GABRR1: variants seen among roughly 807,000 people sequenced by gnomAD.
GABRR1 encodes gamma-aminobutyric acid type A receptor subunit rho1.
In GABRR1, 59 loss-of-function variants were observed where a neutral mutation model predicts 55.5. The observed-to-expected ratio is 1.06, with a 90% CI of 0.86 to 1.32. GABRR1 has a LOEUF of 1.32. Among genes scored for constraint, GABRR1 ranks in the 40% most tolerant of loss-of-function variants. The probability of loss-of-function intolerance (pLI) is 0.00; values close to 1 mark genes in which losing one functional copy is unlikely to be tolerated. For missense variants in GABRR1, 602 were observed against 619.1 expected, an observed-to-expected ratio of 0.97 and a Z score of 0.29; for synonymous variants, 213 against 226.0, an observed-to-expected ratio of 0.94 and a Z score of 0.51.
intron 1 of GABRR1, among the ~76,000 whole-genome samples, chr6:89,208,921 T>C (rs1772737373): frequency 6.6e-6 from 1 of 152,214 alleles, no homozygotes; most frequent in Non-Finnish European, 1.5e-5. Context: ...AGGATGGGCG[T>C]ACCAGCCCAG....
chr6:89,191,899 G>A (rs568462673), intron 5 of GABRR1, among the ~76,000 whole-genome samples: 3 of 152,204 alleles, frequency 2.0e-5, no homozygotes, highest in South Asian at 2.1e-4. Context: ...GGCATTTGAC[G>A]GGCGTAGTGG....
rs939458869 is a variant in GABRR1, at chr6:89,201,069, G to C, written c.280+90C>G. On this transcript the variant is annotated intron_variant, in intron 3 of 9. Transcript: ENST00000454853. ...AACTGAGGCAGACCGGGTCAGCGGA[G>C]AGCAAAGCTGTGCTGTCCCTTGGCT... 5.9e-5 allele frequency: 54 copies of C among 912,840 alleles called. No homozygotes were observed. In the South Asian group the frequency reaches 6.8e-4, roughly 12 times the overall value. The allele number at this position is 912,840 out of a possible 1,614,324, so 56.5% of individuals were successfully genotyped here. A position where few individuals can be genotyped will look rare whatever the true frequency, so the allele number is the denominator to read the frequency against.
At chr6:89,226,628 C>T (rs1280941596) in intron 1 of GABRR1, among the ~76,000 whole-genome samples, 1 of 106,744 alleles carries the variant, frequency 9.4e-6, no homozygotes, top group Non-Finnish European at 2.0e-5. Flanking sequence ...ATCTATATCT[C>T]TGTTTTGGTA....
intron 1 of GABRR1, 59 bp downstream of exon 1, chr6:89,217,142 G>A: frequency 2.5e-6 from 4 of 1,580,998 alleles, no homozygotes; most frequent in Non-Finnish European, 3.4e-6. Context: ...GAAGAACACT[G>A]TAAGCTCACT....
At chr6:89,216,527 C>T (rs1772986387) in intron 1 of GABRR1, among the ~76,000 whole-genome samples, 1 of 152,102 alleles carries the variant, frequency 6.6e-6, no homozygotes, top group African/African-American at 2.4e-5. Flanking sequence ...CCAGTGCTGC[C>T]GTCAGAATGG....
intron 1 of GABRR1, among the ~76,000 whole-genome samples, chr6:89,210,300 C>A (rs944134665): frequency 6.7e-6 from 1 of 149,442 alleles, no homozygotes; most frequent in Non-Finnish European, 1.5e-5. Flanking sequence ...CTCAAGTGAT[C>A]CTCCCACCTC....
chr6:89,201,579 A>G (rs746657889), intron 2 of GABRR1, among the ~76,000 whole-genome samples: 1 of 152,160 alleles, frequency 6.6e-6, no homozygotes, highest in African/African-American at 2.4e-5. Context: ...GGAGATCGAG[A>G]CCATCCTGGC....
chr6:89,193,142 AC>A (rs1772154625), intron 5 of GABRR1, among the ~76,000 whole-genome samples: 1 of 152,146 alleles, frequency 6.6e-6, no homozygotes, highest in African/African-American at 2.4e-5. Flanking sequence ...AAGGACAGTG[AC>A]CTCTATTCCT....
chr6:89,191,498 A>G (rs1772087563), intron 5 of GABRR1, among the ~76,000 whole-genome samples: 1 of 151,990 alleles, frequency 6.6e-6, no homozygotes, highest in Non-Finnish European at 1.5e-5. Flanking sequence ...GGGACTGAAT[A>G]CTCCTCCTCA....
intron 6 of GABRR1, among the ~76,000 whole-genome samples, chr6:89,187,361 T>G (rs1004916929): frequency 6.6e-6 from 1 of 152,208 alleles, no homozygotes; most frequent in African/African-American, 2.4e-5. Context: ...TTATACTACA[T>G]GAAAATTACT....
intron 1 of GABRR1, among the ~76,000 whole-genome samples, chr6:89,210,920 CA>C (rs55946999): frequency 0.54 from 82,322 of 151,718 alleles, 22,592 homozygotes; most frequent in South Asian, 0.62. Flanking sequence ...ACTTGAGAGG[CA>C]GGGGGTGAGG....
chr6:89,183,688 A>AT (rs1422909774), intron 7 of GABRR1, among the ~76,000 whole-genome samples: 1 of 151,916 alleles, frequency 6.6e-6, no homozygotes, highest in Non-Finnish European at 1.5e-5. Flanking sequence ...ATTAAAAAAA[A>AT]AAGATGAAAT....
chr6:89,211,807 A>T (rs1300763855), intron 1 of GABRR1, among the ~76,000 whole-genome samples: 2 of 151,942 alleles, frequency 1.3e-5, no homozygotes, highest in African/African-American at 4.8e-5. Context: ...CCAGCTCTAT[A>T]CCCATTTCTC....
Position 89,201,163 on chromosome 6 carries a change from A to G in GABRR1, c.276T>C (p.Phe92=), listed in dbSNP as rs767265578. 6.2e-7 allele frequency: 1 copy of G among 1,612,922 alleles called. No homozygotes were observed. The highest frequency in any genetic ancestry group is 8.5e-7 in the Non-Finnish European group (1 of 1,178,884). The change falls in exon 3 of 10, where the codon TTT becomes TTC. Residue 92 remains phenylalanine (F), a synonymous_variant. Coordinates refer to ENST00000454853, the MANE Select transcript of GABRR1 (RefSeq NM_002042.5). ...DDHDFSMRPG[F]GGPAIPVGVD... ...CTGAGAGCACACATCCCATACCTCC[A>G]AAGCCAGGCCTCATGCTGAAATCAT...
intron 5 of GABRR1, among the ~76,000 whole-genome samples, chr6:89,197,581 C>T (rs190512188): frequency 1.1e-3 from 160 of 152,296 alleles, no homozygotes; most frequent in Non-Finnish European, 1.7e-3. Context: ...AGCCGGGGGT[C>T]CCCATAGTTT....
chr6:89,180,279 A>AT lies in GABRR1; in HGVS notation c.1146+12dup. 6.2e-7 allele frequency: 1 copy of AT among 1,612,298 alleles called. No homozygotes were observed. The highest frequency in any genetic ancestry group is 8.5e-7 in the Non-Finnish European group (1 of 1,179,262). ...CATCCTGACCAGACACTATAAGCGC[A>AT]TGGCAAAGTCACCTTCTCCCGCAGC... On this transcript the variant is annotated intron_variant, in intron 9 of 9. Transcript: ENST00000454853.
chr6:89,196,538 A>G (rs9444674), intron 5 of GABRR1, among the ~76,000 whole-genome samples: 17,989 of 152,190 alleles, frequency 0.12, 1,161 homozygotes, highest in Non-Finnish European at 0.14. Flanking sequence ...TGGGATGCCA[A>G]GGTGGGAGGA....
chr6:89,214,701 A>G (rs1467429758), intron 1 of GABRR1, among the ~76,000 whole-genome samples: 1 of 152,156 alleles, frequency 6.6e-6, no homozygotes, highest in African/African-American at 2.4e-5. Context: ...CCACAGTGAG[A>G]TATCATCTCA....
At chr6:89,199,051 G>A (rs1772385978) in intron 4 of GABRR1, among the ~76,000 whole-genome samples, 1 of 152,150 alleles carries the variant, frequency 6.6e-6, no homozygotes, top group South Asian at 2.1e-4. Flanking sequence ...GGAATAAGAT[G>A]TGTTTGACTA....
Sources: gnomAD v4.1 joint callset for allele counts (sites outside exome capture counted in the v4.1 genomes callset) on GRCh38, gnomAD v4.1.1 for gene constraint, MANE v1.5 for transcripts, NCBI Gene and HGNC (gene_info 2026-07-23, HGNC 2026-07-21) for gene names.